Variants in DPP6 observed in about 807,000 individuals in gnomAD.
DPP6 encodes the protein A-type potassium channel modulatory protein DPP6.
A neutral mutation model predicts 122.6 loss-of-function variants in DPP6; 69 were observed. That is an observed-to-expected ratio of 0.56 (90% CI 0.46 to 0.69). DPP6 has a LOEUF of 0.69. Among genes scored for constraint, DPP6 ranks in the 30% least tolerant of loss-of-function variants. The pLI, the probability that DPP6 is intolerant of heterozygous loss-of-function variation, is 0.00. For synonymous variants in DPP6, 418 were observed against 433.1 expected (o/e 0.97, Z 0.43); for missense variants, 928 against 1,116.9 (o/e 0.83, Z 2.41).
intron 21 of DPP6, among the ~76,000 whole-genome samples, chr7:154,881,567 C>T (rs763779674): frequency 5.3e-5 from 8 of 152,178 alleles, no homozygotes; most frequent in Non-Finnish European, 1.0e-4. Flanking sequence ...ACAGATGGGT[C>T]GGTATAGACC....
intron 17 of DPP6, 115 bp downstream of exon 17, chr7:154,853,942 T>C (rs953117303): frequency 2.8e-5 from 40 of 1,407,174 alleles, no homozygotes; most frequent in Non-Finnish European, 3.6e-5. Flanking sequence ...GGATGAGTCA[T>C]GTCCTAGCAG....
rs556691300 is a variant in DPP6 at position 154,063,334 on chromosome 7, C to T, written c.243+10271C>T. 5.4e-5 allele frequency among the ~76,000 whole-genome samples: 7 copies of T among 130,484 alleles called. 2 individuals are homozygous for T. The South Asian group carries it at 1.4e-3, about 26-fold the overall frequency. The allele number at this position is 130,484 out of a possible 152,430, so 85.6% of individuals were successfully genotyped here. The stretch of plus-strand genomic sequence containing the variant: ...CTGAGAGCCAGTCCCTCTTCTCCCT[C>T]TGGCTCTTAGGAACCCCATTGCAGG... On this transcript the variant is annotated intron_variant, in intron 1 of 25. Coordinates refer to ENST00000377770, the MANE Select transcript of DPP6 (RefSeq NM_130797.4).
intron 10 of DPP6, among the ~76,000 whole-genome samples, chr7:154,786,280 A>G (rs1358217294): frequency 6.6e-6 from 1 of 152,194 alleles, no homozygotes; most frequent in Non-Finnish European, 1.5e-5. Context: ...TTATTCGTCA[A>G]AGCTAGAGGG....
intron 1 of DPP6, among the ~76,000 whole-genome samples, chr7:154,384,691 C>G (rs936768765): frequency 6.6e-6 from 1 of 151,836 alleles, no homozygotes; most frequent in Non-Finnish European, 1.5e-5. Flanking sequence ...TCTGCAGTAA[C>G]ACTTTGGCTC....
intron 1 of DPP6, among the ~76,000 whole-genome samples, chr7:154,221,978 A>T (rs998878785): frequency 1.3e-5 from 2 of 151,998 alleles, no homozygotes; most frequent in African/African-American, 2.4e-5. Context: ...AAGACTCCTT[A>T]CTCTGCTTGA....
chr7:154,575,079 T>C (rs1458452779), intron 5 of DPP6, among the ~76,000 whole-genome samples: 1 of 102,166 alleles, frequency 9.8e-6, no homozygotes, highest in Non-Finnish European at 1.9e-5. Context: ...GTTGTGTGTA[T>C]GTGTGTGATG....
chr7:153,768,382 G>A, the DPP6 span, among the ~76,000 whole-genome samples: 2 of 152,064 alleles, frequency 1.3e-5, no homozygotes. Flanking sequence ...GGAGAACTCA[G>A]AGATATTAAG....
Position 154,020,280 on chromosome 7 carries a change from C to G in DPP6, c.51+132546C>G, listed in dbSNP as rs575949240. Among the ~76,000 whole-genome samples, 11 of 151,412 alleles carry G rather than the reference C, an allele frequency of 7.3e-5. No homozygotes were observed. The South Asian group carries it at 2.1e-3, about 29-fold the overall frequency. ...GTGGGGAATTGCTGTGAAGAAGTCC[C>G]ACTGTGGGATGTGGTGCAGGGTGAA... On this transcript the variant is annotated intron_variant, in intron 1 of 25. Transcript: ENST00000404039.
At chr7:153,877,928 G>A in the DPP6 span, among the ~76,000 whole-genome samples, 2 of 151,958 alleles carry the variant, frequency 1.3e-5, no homozygotes, top group East Asian at 1.9e-4. Context: ...TAAAAGTCCT[G>A]GACACTACAA....
intron 5 of DPP6, among the ~76,000 whole-genome samples, chr7:154,623,667 A>G (rs62477230): frequency 3.6e-4 from 40 of 110,766 alleles, no homozygotes; most frequent in Non-Finnish European, 5.0e-4. Flanking sequence ...ACACACACGC[A>G]CACACACACG....
intron 1 of DPP6, among the ~76,000 whole-genome samples, chr7:154,067,740 AGTTTTT>A (rs1802831550): frequency 6.6e-6 from 1 of 151,946 alleles, no homozygotes; most frequent in Non-Finnish European, 1.5e-5. Context: ...GCAGTGTAAG[AGTTTTT>A]GTTTGTTTTA....
intron 1 of DPP6, among the ~76,000 whole-genome samples, chr7:154,398,711 C>T (rs1815311966): frequency 6.6e-6 from 1 of 152,116 alleles, no homozygotes; most frequent in Non-Finnish European, 1.5e-5. Context: ...ATTCACACAT[C>T]ACTTGTCTCC....
chr7:154,567,959 G>A (rs1258521328), intron 5 of DPP6, among the ~76,000 whole-genome samples: 1 of 152,194 alleles, frequency 6.6e-6, no homozygotes, highest in Non-Finnish European at 1.5e-5. Context: ...TCTTCCAACT[G>A]TAGATTTTTT....
At chr7:154,771,463 G>C (rs908914325) in intron 9 of DPP6, among the ~76,000 whole-genome samples, 4 of 152,208 alleles carry the variant, frequency 2.6e-5, no homozygotes, top group African/African-American at 9.6e-5. Context: ...TGTGGACATG[G>C]ATCTCATCAC....
At chr7:153,800,529 T>A in the DPP6 span, among the ~76,000 whole-genome samples, 27 of 152,068 alleles carry the variant, frequency 1.8e-4, no homozygotes, top group African/African-American at 5.1e-4. Context: ...TTAACGAAAC[T>A]TTTTTTTAAT....
chr7:154,200,334 T>A (rs1161116284), intron 1 of DPP6, among the ~76,000 whole-genome samples: 1 of 152,224 alleles, frequency 6.6e-6, no homozygotes, highest in African/African-American at 2.4e-5. Context: ...TTTGTCTTTA[T>A]GCTAGGAACA....
intron 5 of DPP6, among the ~76,000 whole-genome samples, chr7:154,623,163 C>T (rs1416887490): frequency 6.6e-6 from 1 of 152,186 alleles, no homozygotes; most frequent in Non-Finnish European, 1.5e-5. Flanking sequence ...AGCCTTGTAA[C>T]AGTTTGCAGA....
At chr7:154,425,631 T>TGTGG (rs1563648962) in intron 1 of DPP6, among the ~76,000 whole-genome samples, 13 of 131,550 alleles carry the variant, frequency 9.9e-5, no homozygotes, top group Non-Finnish European at 4.7e-5. Flanking sequence ...GGTGTGTGTG[T>TGTGG]GTGTGTGTGT....
At chr7:154,366,606 T>C (rs1346627160) in intron 1 of DPP6, among the ~76,000 whole-genome samples, 2 of 152,030 alleles carry the variant, frequency 1.3e-5, no homozygotes, top group African/African-American at 2.4e-5. Context: ...AATCTGAGAG[T>C]TCCCCCCAAG....
Sources: allele counts gnomAD v4.1 joint callset (sites outside exome capture counted in the v4.1 genomes callset), GRCh38; gene constraint gnomAD v4.1.1; transcripts MANE v1.5; gene names NCBI Gene and HGNC (gene_info 2026-07-23, HGNC 2026-07-21).